OR3A2: variants seen among roughly 807,000 people sequenced by gnomAD.
The protein encoded by OR3A2 is olfactory receptor 3A2.
For missense variants in OR3A2, 318 were observed against 392.8 expected (o/e 0.81, Z 1.61); for synonymous variants, 126 against 159.3 (o/e 0.79, Z 1.57).
At chr17:3,340,827 C>G (rs535917735) in intron 2 of OR3A2, among the ~76,000 whole-genome samples, 1 of 152,102 alleles carries the variant, frequency 6.6e-6, no homozygotes, top group South Asian at 2.1e-4. Flanking sequence ...CCTTGTTAAC[C>G]TTCTGTCTTG....
intron 3 of OR3A2, among the ~76,000 whole-genome samples, chr17:3,308,904 A>G (rs995828003): frequency 7.3e-5 from 4 of 54,626 alleles, no homozygotes; most frequent in African/African-American, 1.7e-4. Flanking sequence ...TGGATCACTG[A>G]GTATTTTATT....
chr17:3,358,521 A>C (rs2150657936), intron 2 of OR3A2, among the ~76,000 whole-genome samples: 1 of 151,770 alleles, frequency 6.6e-6, no homozygotes, highest in Admixed American at 6.6e-5. Flanking sequence ...ATTCTGCCTT[A>C]ATTTTATTAT....
intron 3 of OR3A2, among the ~76,000 whole-genome samples, chr17:3,312,736 T>C (rs1313846267): frequency 6.6e-6 from 1 of 152,216 alleles, no homozygotes; most frequent in Non-Finnish European, 1.5e-5. Context: ...GTGATTCCCC[T>C]GCCTTAGCCT....
At chr17:3,335,497 T>C (rs2049269714) in intron 3 of OR3A2, among the ~76,000 whole-genome samples, 1 of 152,194 alleles carries the variant, frequency 6.6e-6, no homozygotes, top group Admixed American at 6.6e-5. Flanking sequence ...TGATTTGTGG[T>C]ATTTAATTTA....
At chr17:3,304,157 C>G (rs1421675249) in intron 3 of OR3A2, among the ~76,000 whole-genome samples, 1 of 152,048 alleles carries the variant, frequency 6.6e-6, no homozygotes, top group Non-Finnish European at 1.5e-5. Context: ...CTGGTGAGCA[C>G]ATGAACCATT....
chr17:3,279,045 T>A, intron 1 of OR3A2, 31 bp downstream of exon 4: 3 of 1,493,838 alleles, frequency 2.0e-6, no homozygotes, highest in Non-Finnish European at 2.7e-6. Flanking sequence ...CCCTCACTCG[T>A]TGACCTCCTC....
chr17:3,360,267 TG>T (rs1339529565), intron 2 of OR3A2, among the ~76,000 whole-genome samples: 1 of 151,240 alleles, frequency 6.6e-6, no homozygotes, highest in Non-Finnish European at 1.5e-5. Context: ...TTGATGGGGT[TG>T]TTTTTTTCTT....
chr17:3,336,047 C>A (rs1412509102), exon 3 of OR3A2: 8 of 152,374 alleles, frequency 5.3e-5, no homozygotes, highest in Non-Finnish European at 1.2e-4. Flanking sequence ...CCTGCCGGAA[C>A]ACGCAGAGCC....
chr17:3,338,102 C>T (rs1259481535), intron 2 of OR3A2, among the ~76,000 whole-genome samples: 1 of 152,186 alleles, frequency 6.6e-6, no homozygotes, highest in Admixed American at 6.5e-5. Flanking sequence ...ATATGCTTTG[C>T]CCACTTTTTG....
chr17:3,368,362 T>C (rs1163446240), intron 2 of OR3A2, among the ~76,000 whole-genome samples: 1 of 152,234 alleles, frequency 6.6e-6, no homozygotes, highest in Non-Finnish European at 1.5e-5. Context: ...ATTTTTATGG[T>C]TTCAAATCTT....
intron 3 of OR3A2, among the ~76,000 whole-genome samples, chr17:3,304,598 G>A (rs2150627908): frequency 6.6e-6 from 1 of 152,306 alleles, no homozygotes; most frequent in East Asian, 1.9e-4. Flanking sequence ...TCTGGTCCCT[G>A]TCACTTCATC....
At chr17:3,364,347 G>A (rs2049545337) in intron 2 of OR3A2, among the ~76,000 whole-genome samples, 1 of 152,114 alleles carries the variant, frequency 6.6e-6, no homozygotes, top group African/African-American at 2.4e-5. Flanking sequence ...ATTTCTTTGT[G>A]ATGAAAACAT....
At chr17:3,301,150 A>C (rs1290989712) in intron 3 of OR3A2, among the ~76,000 whole-genome samples, 1 of 152,200 alleles carries the variant, frequency 6.6e-6, no homozygotes, top group African/African-American at 2.4e-5. Flanking sequence ...CACAATAAAC[A>C]TACGTGTGCA....
At chr17:3,324,454 GT>G (rs1288072373) in intron 3 of OR3A2, among the ~76,000 whole-genome samples, 1 of 152,056 alleles carries the variant, frequency 6.6e-6, no homozygotes, top group Non-Finnish European at 1.5e-5. Flanking sequence ...AGAGTCTCCA[GT>G]TTTTCTGCTC....
Position 3,347,459 on chromosome 17 carries a change from A to T in OR3A2, c.-178-11333T>A, listed in dbSNP as rs996866045. ...CCTTCCTGTGTCCATGTGTTCTCAT[A>T]GTTCAATTCCCACCTATGAGTGAGA... On this transcript the variant is annotated intron_variant, in intron 2 of 4. Coordinates refer to the OR3A2 transcript ENST00000573491. Among the ~76,000 whole-genome samples, 23 of 151,950 alleles carry T rather than the reference A, an allele frequency of 1.5e-4. No individual in the cohort carries two copies. In the South Asian group the frequency reaches 1.7e-3, roughly 11 times the overall value.
At chr17:3,371,028 A>C (rs2049611799) in intron 2 of OR3A2, among the ~76,000 whole-genome samples, 1 of 152,024 alleles carries the variant, frequency 6.6e-6, no homozygotes, top group Non-Finnish European at 1.5e-5. Flanking sequence ...TTCTACACAG[A>C]CACGGCAACC....
At chr17:3,372,856 AGAGGGAGAGGGAGAG>A (rs1241897012) in intron 2 of OR3A2, among the ~76,000 whole-genome samples, 3 of 13,248 alleles carry the variant, frequency 2.3e-4, no homozygotes, top group East Asian at 0.019. Context: ...AAGGAGAGGG[AGAGGGAGAGGGAGAG>A]GGAGAGGGAG....
chr17:3,279,103 C>G (rs1038974034), intron 1 of OR3A2: 15 of 918,910 alleles, frequency 1.6e-5, no homozygotes, highest in Non-Finnish European at 2.3e-5. Flanking sequence ...TGCCCAATGA[C>G]ACCACCACCT....
At chr17:3,277,803 A>T in exon 2 of OR3A2, 1 of 723,200 alleles carries the variant, frequency 1.4e-6, no homozygotes, top group Non-Finnish European at 2.3e-6. Context: ...GTATTTGTTG[A>T]ATGAATAAAT....
Sources: gnomAD v4.1 joint callset for allele counts (sites outside exome capture counted in the v4.1 genomes callset) on GRCh38, gnomAD v4.1.1 for gene constraint, MANE v1.5 for transcripts, NCBI Gene and HGNC (gene_info 2026-07-23, HGNC 2026-07-21) for gene names.